The following GPM6B variants were observed in gnomAD, a reference collection of about 807,000 sequenced individuals.
The protein encoded by GPM6B is glycoprotein M6B.
GPM6B carries 4 observed loss-of-function variants against 27.2 expected under a neutral mutation model. That is an observed-to-expected ratio of 0.15 (90% confidence interval 0.07 to 0.34). The LOEUF (loss-of-function observed/expected upper bound fraction) is 0.34, where lower values mean the gene tolerates loss of function less well. Ranked by LOEUF, GPM6B falls within the 10% of genes least tolerant of loss-of-function variation. The pLI is 1.00. For missense variants in GPM6B, 183 were observed against 261.9 expected, an observed-to-expected ratio of 0.70 and a Z score of 2.08; for synonymous variants, 124 against 103.1, an observed-to-expected ratio of 1.20 and a Z score of -1.23.
At chrX:13,775,034 T>C (rs192154561) in intron 7 of GPM6B, among the ~76,000 whole-genome samples, 188 of 112,107 alleles carry the variant, frequency 1.7e-3, no homozygotes, top group African/African-American at 5.7e-3. Flanking sequence ...GTGGTTTTTT[T>C]CATAGATTCT....
At chrX:13,867,289 C>T (rs1411434751) in intron 1 of GPM6B, among the ~76,000 whole-genome samples, 4 of 110,871 alleles carry the variant, frequency 3.6e-5, no homozygotes, top group Non-Finnish European at 7.6e-5. Flanking sequence ...TTTGTATCTT[C>T]TGTAGAGATG....
At chrX:13,872,104 C>G (rs1423896037) in intron 1 of GPM6B, among the ~76,000 whole-genome samples, 2 of 108,383 alleles carry the variant, frequency 1.8e-5, no homozygotes, top group South Asian at 8.0e-4. Context: ...TTTTGTATGC[C>G]TGAGAAACGT....
intron 1 of GPM6B, among the ~76,000 whole-genome samples, chrX:13,922,668 T>C (rs1920996088): frequency 8.9e-6 from 1 of 112,153 alleles, no homozygotes; most frequent in South Asian, 3.7e-4. Flanking sequence ...TGCAATTGAA[T>C]CACAGAGTAG....
Position 13,920,783 on chromosome X carries a change from C to T in GPM6B, c.-198+17544G>A, listed in dbSNP as rs761294698. 3.3e-3 allele frequency among the ~76,000 whole-genome samples: 360 copies of T among 108,638 alleles called. 3 individuals are homozygous for T. The highest frequency in any genetic ancestry group is 0.011 in the African/African-American group (330 of 29,742). The allele number at this position is 108,638 out of a possible 115,157, so 94.3% of individuals were successfully genotyped here. A position where few individuals can be genotyped will look rare whatever the true frequency, so the allele number is the denominator to read the frequency against. ...GCGGGCGCCTGCAGTCCCAGCTACT[C>T]GGGAGGCTGAGGCAGGAGAATGGTG... On this transcript the variant is annotated intron_variant, in intron 1 of 6. Coordinates refer to the GPM6B transcript ENST00000398361.
At chrX:13,834,440 G>A (rs1205364995) in intron 1 of GPM6B, among the ~76,000 whole-genome samples, 12 of 112,426 alleles carry the variant, frequency 1.1e-4, no homozygotes, top group Admixed American at 4.7e-4. Context: ...TAAATCTTTG[G>A]AAATCAATGC....
At chrX:13,774,738 TCCCA>T in intron 7 of GPM6B, 1 of 532,716 alleles carries the variant, frequency 1.9e-6, no homozygotes, top group Non-Finnish European at 3.2e-6. Context: ...GGTGTTTTTT[TCCCA>T]CTTAAAATCA....
intron 1 of GPM6B, among the ~76,000 whole-genome samples, chrX:13,861,005 TAC>T (rs55808485): frequency 0.019 from 1,474 of 79,321 alleles, 5 homozygotes; most frequent in African/African-American, 0.025. Flanking sequence ...TGAATGTGCA[TAC>T]ACACACACAC....
chrX:13,904,719 C>T (rs913286700), intron 1 of GPM6B, among the ~76,000 whole-genome samples: 2 of 110,138 alleles, frequency 1.8e-5, no homozygotes, highest in Non-Finnish European at 3.8e-5. Flanking sequence ...AATTAAACCT[C>T]TGGGACCAGC....
intron 1 of GPM6B, among the ~76,000 whole-genome samples, chrX:13,852,379 TTTCA>T (rs2049728276): frequency 1.8e-5 from 2 of 111,543 alleles, no homozygotes; most frequent in Admixed American, 9.5e-5. Context: ...TCTCAGCTCT[TTTCA>T]TTTTCAATTA....
At chrX:13,934,836 C>T (rs1310791477) in intron 1 of GPM6B, among the ~76,000 whole-genome samples, 1 of 111,820 alleles carries the variant, frequency 8.9e-6, no homozygotes, top group East Asian at 2.8e-4. Context: ...TACCCACGAT[C>T]ACACAGCAAA....
chrX:13,791,678 CT>C (rs1014409902), intron 2 of GPM6B, among the ~76,000 whole-genome samples: 10 of 111,800 alleles, frequency 8.9e-5, no homozygotes, highest in African/African-American at 3.3e-4. Flanking sequence ...TCCAGTATCC[CT>C]AGAACCTTTT....
intron 1 of GPM6B, among the ~76,000 whole-genome samples, chrX:13,937,634 G>T (rs761832623): frequency 2.6e-4 from 29 of 111,798 alleles, no homozygotes; most frequent in African/African-American, 7.5e-4. Flanking sequence ...GCTGCGGAAT[G>T]AGGCTGATTT....
At chrX:13,838,668 G>A (rs779325365) in intron 1 of GPM6B, among the ~76,000 whole-genome samples, 1 of 112,080 alleles carries the variant, frequency 8.9e-6, no homozygotes, top group Non-Finnish European at 1.9e-5. Flanking sequence ...GCTAGGCTCT[G>A]GAAGGCCCAT....
intron 1 of GPM6B, among the ~76,000 whole-genome samples, chrX:13,920,284 A>G (rs1920955584): frequency 1.2e-5 from 1 of 81,784 alleles, no homozygotes; most frequent in East Asian, 3.0e-4. Flanking sequence ...AAAAAAAAAA[A>G]AAAAGAAAGA....
At chrX:13,814,394 A>G (rs766932983) in intron 1 of GPM6B, among the ~76,000 whole-genome samples, 2 of 112,241 alleles carry the variant, frequency 1.8e-5, no homozygotes, top group South Asian at 3.7e-4. Context: ...CTCTGCGTAA[A>G]GTGACAAAAT....
At chrX:13,920,288 AGAAAGAAAGAAAG>A (rs1569306661) in intron 1 of GPM6B, among the ~76,000 whole-genome samples, 5 of 75,541 alleles carry the variant, frequency 6.6e-5, no homozygotes, top group African/African-American at 1.1e-4. Context: ...AAAAAAAAAA[AGAAAGAAAGAAAG>A]AAAAAAAAAG....
chrX:13,856,802 C>T (rs1232940646), intron 1 of GPM6B, among the ~76,000 whole-genome samples: 1 of 108,595 alleles, frequency 9.2e-6, no homozygotes, highest in Admixed American at 9.9e-5. Flanking sequence ...TGGGCTCATG[C>T]AATCCCCCTG....
At chrX:13,858,266 C>T (rs1183727825) in intron 1 of GPM6B, among the ~76,000 whole-genome samples, 1 of 111,808 alleles carries the variant, frequency 8.9e-6, no homozygotes, top group Non-Finnish European at 1.9e-5. Flanking sequence ...GCTCTCTCTA[C>T]ACCTCTCCAG....
chrX:13,796,254 A>C (rs2048814243), intron 2 of GPM6B, among the ~76,000 whole-genome samples: 1 of 111,143 alleles, frequency 9.0e-6, no homozygotes. Flanking sequence ...TTTTCAGTAG[A>C]GATGGGGTTT....
Sources: gnomAD v4.1 joint callset for allele counts (sites outside exome capture counted in the v4.1 genomes callset) on GRCh38, gnomAD v4.1.1 for gene constraint, MANE v1.5 for transcripts, NCBI Gene and HGNC (gene_info 2026-07-23, HGNC 2026-07-21) for gene names.